Variants in COX5A observed in about 807,000 individuals in gnomAD.
COX5A encodes cytochrome c oxidase subunit 5A, mitochondrial.
COX5A carries 6 observed loss-of-function variants against 16.1 expected under a neutral mutation model. The ratio of observed to expected loss-of-function variants is 0.37; its 90% CI spans 0.20 to 0.73. The LOEUF (loss-of-function observed/expected upper bound fraction) is 0.73, where lower values mean the gene tolerates loss of function less well. Ranked by LOEUF, COX5A falls within the 30% of genes least tolerant of loss-of-function variation. COX5A has a pLI of 0.50. For synonymous variants in COX5A, 73 were observed against 73.8 expected, an observed-to-expected ratio of 0.99 and a Z score of 0.06; for missense variants, 159 against 194.9, an observed-to-expected ratio of 0.82 and a Z score of 1.10.
Position 74,938,004 on chromosome 15 carries a change from G to A in COX5A, c.11C>T (p.Ala4Val). 8.1e-7 allele frequency: 1 copy of A among 1,231,730 alleles called. No homozygotes were observed. The highest frequency in any genetic ancestry group is 1.0e-6 in the Non-Finnish European group (1 of 987,728). 76.3% of individuals were successfully genotyped at this position (1,231,730 alleles called of 1,614,324 possible). A position where few individuals can be genotyped will look rare whatever the true frequency, so the allele number is the denominator to read the frequency against. The change falls in exon 1 of 5, where the codon GCC becomes GTC. Residue 4 changes from alanine (A) to valine (V), a missense_variant. By Grantham distance (64) the Ala-to-Val change is moderately conservative. Coordinates refer to ENST00000322347, the MANE Select transcript of COX5A (RefSeq NM_004255.4). Reference protein sequence around the residue: MLGAALRRCAVAAT... With the variant: MLGVALRRCAVAAT... The stretch of plus-strand genomic sequence containing the variant: ...GGCCACAGCGCAGCGGCGGAGAGCG[G>A]CGCCCAGCATGACGGCGATGGCGGC...
chr15:74,926,789 C>G lies in COX5A; in HGVS notation c.316G>C (p.Val106Leu). 1 of 1,612,966 alleles carries G rather than the reference C, an allele frequency of 6.2e-7. No homozygotes were observed. The highest frequency in any genetic ancestry group is 2.2e-5 in the East Asian group (1 of 44,810). Reference sequence around the variant, plus strand: ...ACCTTAACAACCTCTAGGATACGAACTGTACTAGCAAAATCATTTAACCGT... The same window carrying G: ...ACCTTAACAACCTCTAGGATACGAAGTGTACTAGCAAAATCATTTAACCGT... Reference protein sequence around the residue: ...CRRLNDFASTVRILEVVKDKA... With the variant: ...CRRLNDFASTLRILEVVKDKA... The change falls in exon 3 of 5, where the codon GTT (valine) becomes CTT (leucine). Residue 106 changes from valine (V) to leucine (L), a missense_variant. Coordinates refer to ENST00000322347, the MANE Select transcript of COX5A (RefSeq NM_004255.4).
chr15:74,932,143 C>T (rs1240551435), intron 1 of COX5A, among the ~76,000 whole-genome samples: 1 of 152,196 alleles, frequency 6.6e-6, no homozygotes, highest in Non-Finnish European at 1.5e-5. Context: ...TAACACTATG[C>T]ACTGGTAAGT....
chr15:74,926,141 G>A (rs1318069877), intron 3 of COX5A, among the ~76,000 whole-genome samples: 3 of 149,528 alleles, frequency 2.0e-5, no homozygotes, highest in Admixed American at 6.8e-5. Flanking sequence ...CCGGGTTCAC[G>A]CCATTCTCCC....
At chr15:74,926,744 T>A in intron 3 of COX5A, 22 bp downstream of exon 3, 1 of 1,599,026 alleles carries the variant, frequency 6.3e-7, no homozygotes, top group Non-Finnish European at 8.5e-7. Flanking sequence ...CAGAACAATT[T>A]TAGCATTATT....
intron 4 of COX5A, 147 bp from the exon 5 acceptor site, chr15:74,920,589 C>T: frequency 1.7e-6 from 1 of 578,778 alleles, no homozygotes; most frequent in Non-Finnish European, 3.0e-6. Flanking sequence ...TACTGTCAAC[C>T]CACAAGCGAC....
chr15:74,928,448 G>A (rs1251673339), intron 2 of COX5A, among the ~76,000 whole-genome samples: 6 of 151,654 alleles, frequency 4.0e-5, no homozygotes, highest in East Asian at 1.9e-4. Flanking sequence ...GCAGTGGCGC[G>A]ATCTCGGCTC....
rs2065355622 is a variant in COX5A at position 74,929,128 on chromosome 15, C to G, written c.205G>C (p.Glu69Gln). Reference sequence around the variant, plus strand: ...ATGTTCCAATTACCTTTACGCAATTCCCAGGCATCTATATCTGGCTTGTTG... The same window carrying G: ...ATGTTCCAATTACCTTTACGCAATTGCCAGGCATCTATATCTGGCTTGTTG... ...YFNKPDIDAW[E>Q]LRKGINTLVT... The change falls in exon 2 of 5, where the codon GAA (glutamate) becomes CAA (glutamine). Residue 69 changes from glutamate to glutamine, a missense_variant. Coordinates refer to ENST00000322347, the MANE Select transcript of COX5A (RefSeq NM_004255.4). 1 of 1,609,960 alleles carries G rather than the reference C, an allele frequency of 6.2e-7. No homozygotes were observed. Among genetic ancestry groups the G allele is most frequent in the African/African-American group, 1.3e-5 (1 of 74,864 alleles).
rs368149029 is a variant in COX5A at position 74,926,927 on chromosome 15, G to C, written c.218-40C>G. 14 of 1,599,122 alleles carry C rather than the reference G, an allele frequency of 8.8e-6. No homozygotes were observed. In the African/African-American group the frequency reaches 1.9e-4, roughly 22 times the overall value. On this transcript the variant is annotated intron_variant, in intron 2 of 4. Coordinates refer to ENST00000322347, the MANE Select transcript of COX5A (RefSeq NM_004255.4). The stretch of plus-strand genomic sequence containing the variant: ...AGAAGGGCCATGTCAACCTCGAAGA[G>C]CCTCACTTAAACTATGAGTTATTTA...
chr15:74,932,221 C>A (rs2065370601), intron 1 of COX5A, among the ~76,000 whole-genome samples: 1 of 152,148 alleles, frequency 6.6e-6, no homozygotes, highest in South Asian at 2.1e-4. Flanking sequence ...TTATAGAAAT[C>A]ATAACTTAAA....
chr15:74,936,775 C>G (rs2065392497), intron 1 of COX5A, among the ~76,000 whole-genome samples: 1 of 151,742 alleles, frequency 6.6e-6, no homozygotes. Context: ...TACAGGCGCC[C>G]ACCACCACAC....
At position 74,938,043 on chromosome 15, in the gene COX5A, A is replaced by C; in HGVS notation, c.-29T>G. On this transcript the variant is annotated 5_prime_UTR_variant, in exon 1 of 5. Coordinates refer to ENST00000322347, the MANE Select transcript of COX5A (RefSeq NM_004255.4). Reference sequence around the variant, plus strand: ...GGCGATGGCGGCGCGCGGGCTGAGGACAGAGAGAAGCCGGTGTAAGCTCGC... The same window carrying C: ...GGCGATGGCGGCGCGCGGGCTGAGGCCAGAGAGAAGCCGGTGTAAGCTCGC... The C allele has an allele frequency of 8.2e-7, 1 of 1,217,874 alleles. No individual in the cohort carries two copies. Among genetic ancestry groups the C allele is most frequent in the Non-Finnish European group, 1.0e-6 (1 of 976,174 alleles). 75.4% of individuals were successfully genotyped at this position (1,217,874 alleles called of 1,614,324 possible).
chr15:74,937,857 G>T, intron 1 of COX5A, 58 bp downstream of exon 1: 2 of 1,069,688 alleles, frequency 1.9e-6, no homozygotes, highest in Non-Finnish European at 2.4e-6. Flanking sequence ...AGTGGCAGCG[G>T]GGACCCAGGT....
At chr15:74,927,728 C>T (rs927474770) in intron 2 of COX5A, among the ~76,000 whole-genome samples, 3 of 151,990 alleles carry the variant, frequency 2.0e-5, no homozygotes, top group Non-Finnish European at 4.4e-5. Flanking sequence ...GCTGAGATCG[C>T]GCCATTGCAC....
At chr15:74,931,295 G>A (rs2065366204) in intron 1 of COX5A, among the ~76,000 whole-genome samples, 1 of 152,014 alleles carries the variant, frequency 6.6e-6, no homozygotes, top group African/African-American at 2.4e-5. Context: ...GAGTTCAGGA[G>A]TTTGTGACCA....
At chr15:74,921,595 T>A (rs894110316) in intron 4 of COX5A, among the ~76,000 whole-genome samples, 5 of 151,768 alleles carry the variant, frequency 3.3e-5, no homozygotes, top group African/African-American at 1.2e-4. Context: ...CCGGGCATGG[T>A]GGTGGGCACT....
At position 74,926,901 on chromosome 15, in the gene COX5A, A is replaced by T. The variant is rs2065346983; in HGVS notation, c.218-14T>A. 6.2e-7 allele frequency: 1 copy of T among 1,604,660 alleles called. No individual in the cohort carries two copies. The highest frequency in any genetic ancestry group is 8.5e-7 in the Non-Finnish European group (1 of 1,177,028). ...GTGTGTTTATCCCTGCAAAATTAAA[A>T]AGAAGGGCCATGTCAACCTCGAAGA... On this transcript the variant is annotated splice_polypyrimidine_tract_variant and intron_variant, in intron 2 of 4. Transcript: ENST00000322347.
chr15:74,932,766 G>A (rs1486559015), intron 1 of COX5A, among the ~76,000 whole-genome samples: 1 of 150,598 alleles, frequency 6.6e-6, no homozygotes, highest in Non-Finnish European at 1.5e-5. Flanking sequence ...GCACGATTTC[G>A]GCTCACTGCA....
chr15:74,936,609 A>G (rs2065391100), intron 1 of COX5A, among the ~76,000 whole-genome samples: 1 of 151,244 alleles, frequency 6.6e-6, no homozygotes, highest in Non-Finnish European at 1.5e-5. Context: ...AAATGAATGA[A>G]GCAAAACATA....
chr15:74,935,756 C>A (rs1444860262), intron 1 of COX5A, among the ~76,000 whole-genome samples: 1 of 150,920 alleles, frequency 6.6e-6, no homozygotes, highest in African/African-American at 2.4e-5. Flanking sequence ...CCACACCCGG[C>A]TAATTTTTGT....
Sources: allele counts gnomAD v4.1 joint callset (sites outside exome capture counted in the v4.1 genomes callset), GRCh38; gene constraint gnomAD v4.1.1; transcripts MANE v1.5; gene names NCBI Gene and HGNC (gene_info 2026-07-23, HGNC 2026-07-21).